The following PHTF2 variants were observed in gnomAD, a reference collection of about 807,000 sequenced individuals.
PHTF2 encodes the protein protein PHTF2.
A neutral mutation model predicts 101.2 loss-of-function variants in PHTF2; 60 were observed. The observed-to-expected ratio is 0.59, with a 90% confidence interval of 0.48 to 0.73. The LOEUF (loss-of-function observed/expected upper bound fraction) is 0.73, where lower values mean the gene tolerates loss of function less well. PHTF2 is among the 30% of genes least tolerant of loss of function. The probability of loss-of-function intolerance (pLI) is 0.00; values close to 1 mark genes in which losing one functional copy is unlikely to be tolerated. For missense variants in PHTF2, 747 were observed against 908.7 expected, an observed-to-expected ratio of 0.82 and a Z score of 2.29; for synonymous variants, 311 against 307.3, an observed-to-expected ratio of 1.01 and a Z score of -0.13.
At chr7:77,886,280 A>G (rs552592912) in intron 3 of PHTF2, among the ~76,000 whole-genome samples, 23 of 152,308 alleles carry the variant, frequency 1.5e-4, no homozygotes, top group African/African-American at 5.5e-4. Context: ...CTTTTCTAAA[A>G]TTCCTAAGTG....
chr7:77,878,798 T>C (rs1320560305), intron 3 of PHTF2, among the ~76,000 whole-genome samples: 3 of 152,234 alleles, frequency 2.0e-5, no homozygotes, highest in South Asian at 2.1e-4. Context: ...GAGATGGGTA[T>C]TGAATCAACT....
chr7:77,957,207 T>C (rs1230894060), exon 20 of PHTF2: 1 of 151,990 alleles, frequency 6.6e-6, no homozygotes, highest in Non-Finnish European at 1.5e-5. Context: ...AAGTTTAAAA[T>C]AAAACATTCT....
intron 11 of PHTF2, chr7:77,923,520 T>G (rs1343684516): frequency 1.0e-6 from 1 of 983,048 alleles, no homozygotes; most frequent in Non-Finnish European, 1.2e-6. Context: ...TTAGAAGAGT[T>G]ACTATTCTTT....
intron 9 of PHTF2, among the ~76,000 whole-genome samples, chr7:77,915,896 C>G (rs916423786): frequency 6.6e-6 from 1 of 151,614 alleles, no homozygotes; most frequent in Non-Finnish European, 1.5e-5. Context: ...TTGGGTTGAT[C>G]TAAGAAAATA....
chr7:77,865,824 A>C (rs189795076), intron 3 of PHTF2, among the ~76,000 whole-genome samples: 2 of 152,136 alleles, frequency 1.3e-5, no homozygotes, highest in Non-Finnish European at 2.9e-5. Flanking sequence ...CAAGCCAGGC[A>C]CTTATTTCAA....
At chr7:77,903,252 G>A (rs1440563416) in intron 7 of PHTF2, among the ~76,000 whole-genome samples, 1 of 152,088 alleles carries the variant, frequency 6.6e-6, no homozygotes, top group Non-Finnish European at 1.5e-5. Flanking sequence ...GTATTTTCTA[G>A]TTATAGTGAT....
chr7:77,937,730 T>C (rs759625685), exon 13 of PHTF2: 1 of 1,419,316 alleles, frequency 7.0e-7, no homozygotes. Flanking sequence ...CCTGGCTCCA[T>C]AGTTCCCACC....
In PHTF2 at chr7:77,909,212, A is replaced by G. The variant is rs1802142084; in HGVS notation, c.611+254A>G. On this transcript the variant is annotated intron_variant, in intron 8 of 19. Transcript: ENST00000416283. ...TGAAGCTCATTTATAGTCACCTAAT[A>G]TCAATGTAGACAATATATGTTAGCT... The G allele has an allele frequency of 1.9e-5, 6 of 322,462 alleles. No homozygotes were observed. The South Asian group carries it at 3.1e-4, about 17-fold the overall frequency. 20.0% of individuals were successfully genotyped at this position (322,462 alleles called of 1,614,324 possible). A position where few individuals can be genotyped will look rare whatever the true frequency, so the allele number is the denominator to read the frequency against.
chr7:77,848,534 T>C (rs1378227973), intron 2 of PHTF2, among the ~76,000 whole-genome samples: 1 of 152,234 alleles, frequency 6.6e-6, no homozygotes, highest in Non-Finnish European at 1.5e-5. Context: ...TTCAGACCTT[T>C]TGCCCATTTT....
chr7:77,846,695 T>G (rs1796330395), intron 2 of PHTF2, among the ~76,000 whole-genome samples: 1 of 150,822 alleles, frequency 6.6e-6, no homozygotes, highest in South Asian at 2.1e-4. Context: ...CAGGCTGTTG[T>G]GCAGTGACAC....
chr7:77,929,253 A>G lies in PHTF2; in HGVS notation c.1264A>G (p.Ser422Gly), dbSNP rs1460106309. 6.8e-6 allele frequency: 11 copies of G among 1,610,816 alleles called. No individual in the cohort carries two copies. The Admixed American group carries it at 1.3e-4, about 20-fold the overall frequency. Residue 422 changes from serine to glycine, a missense_variant, in exon 12 of 20, where the codon AGT becomes GGT. Transcript: ENST00000416283. The stretch of plus-strand genomic sequence containing the variant: ...TGCAGAATGCCATTCATCTTGTACC[A>G]GTGAGACAGATGTGGAAAATCATCA...
chr7:77,901,946 A>G (rs375030860), intron 7 of PHTF2, 26 bp downstream of exon 6: 11 of 1,437,054 alleles, frequency 7.7e-6, no homozygotes, highest in Non-Finnish European at 9.4e-6. Context: ...TTTTGCTTTT[A>G]CTTTTCAGAA....
chr7:77,890,054 A>C (rs923734683), intron 3 of PHTF2, among the ~76,000 whole-genome samples: 1 of 147,856 alleles, frequency 6.8e-6, no homozygotes, highest in African/African-American at 2.5e-5. Flanking sequence ...CATTCTATTA[A>C]CAGTAAAAGT....
chr7:77,934,815 T>TG (rs759313279), intron 12 of PHTF2, among the ~76,000 whole-genome samples: 2 of 151,854 alleles, frequency 1.3e-5, no homozygotes, highest in African/African-American at 2.4e-5. Context: ...GGCATGGTGG[T>TG]GGGCACGGTG....
chr7:77,858,101 T>A (rs1376758621), intron 3 of PHTF2, among the ~76,000 whole-genome samples: 2 of 152,220 alleles, frequency 1.3e-5, no homozygotes, highest in Non-Finnish European at 2.9e-5. Context: ...CTTGCTTCAG[T>A]CACTGATCAT....
chr7:77,805,255 A>G (rs1257161022), intron 1 of PHTF2, among the ~76,000 whole-genome samples: 4 of 152,156 alleles, frequency 2.6e-5, no homozygotes, highest in Non-Finnish European at 4.4e-5. Context: ...TGTAAGACAT[A>G]TAGTGCTGTC....
chr7:77,902,140 A>G (rs1157461475), intron 7 of PHTF2, among the ~76,000 whole-genome samples: 2 of 152,212 alleles, frequency 1.3e-5, no homozygotes. Flanking sequence ...GCTAAAGAAA[A>G]ATAGAAATCG....
chr7:77,952,683 A>G (rs1806655837), intron 18 of PHTF2, among the ~76,000 whole-genome samples: 1 of 152,210 alleles, frequency 6.6e-6, no homozygotes, highest in Non-Finnish European at 1.5e-5. Context: ...GGAAGGGGCT[A>G]CAAAGGTGAG....
intron 16 of PHTF2, among the ~76,000 whole-genome samples, chr7:77,947,469 A>G (rs918008815): frequency 2.0e-5 from 3 of 152,072 alleles, no homozygotes; most frequent in Non-Finnish European, 4.4e-5. Context: ...AGGCTGAGGC[A>G]GGAGAACCAC....
Sources: allele counts gnomAD v4.1 joint callset (sites outside exome capture counted in the v4.1 genomes callset), GRCh38; gene constraint gnomAD v4.1.1; transcripts MANE v1.5; gene names NCBI Gene and HGNC (gene_info 2026-07-23, HGNC 2026-07-21).